EPHA3: variants seen among roughly 807,000 people sequenced by gnomAD.
The protein encoded by EPHA3 is ephrin type-A receptor 3.
In EPHA3, 42 loss-of-function variants were observed where a neutral mutation model predicts 107.1. That is an observed-to-expected ratio of 0.39 (90% CI 0.31 to 0.51). The LOEUF (loss-of-function observed/expected upper bound fraction) is 0.51. EPHA3 is among the 20% of genes least tolerant of loss of function. EPHA3 has a pLI of 0.78. For synonymous variants in EPHA3, 461 were observed against 424.8 expected (o/e 1.09, Z -1.05); for missense variants, 1,183 against 1,211.2 (o/e 0.98, Z 0.35).
At chr3:89,138,596 ATCAAAGACAAC>A (rs1379323009) in intron 2 of EPHA3, among the ~76,000 whole-genome samples, 1 of 151,838 alleles carries the variant, frequency 6.6e-6, no homozygotes, top group Non-Finnish European at 1.5e-5. Flanking sequence ...GCTCACATCA[ATCAAAGACAAC>A]ATTTTAAGCA....
chr3:89,150,721 A>G (rs1272410548), intron 2 of EPHA3, among the ~76,000 whole-genome samples: 1 of 152,134 alleles, frequency 6.6e-6, no homozygotes, highest in Non-Finnish European at 1.5e-5. Flanking sequence ...CTTACGTCAT[A>G]TATCACCAAA....
intron 2 of EPHA3, among the ~76,000 whole-genome samples, chr3:89,153,478 T>G (rs1704731277): frequency 1.3e-5 from 2 of 152,038 alleles, no homozygotes; most frequent in Admixed American, 1.3e-4. Context: ...TCTCCTGCAG[T>G]CTTCCTCATC....
chr3:89,322,586 A>G (rs1311542648), intron 3 of EPHA3, among the ~76,000 whole-genome samples: 1 of 152,128 alleles, frequency 6.6e-6, no homozygotes, highest in Non-Finnish European at 1.5e-5. Flanking sequence ...GAAGGCAGCC[A>G]GGTTTGGAAG....
chr3:89,147,678 A>G (rs1391180715), intron 2 of EPHA3, among the ~76,000 whole-genome samples: 1 of 151,954 alleles, frequency 6.6e-6, no homozygotes, highest in African/African-American at 2.4e-5. Context: ...GAAAAAGGGC[A>G]GAATACTGTA....
At chr3:89,153,220 A>G (rs1473302920) in intron 2 of EPHA3, among the ~76,000 whole-genome samples, 1 of 152,048 alleles carries the variant, frequency 6.6e-6, no homozygotes, top group Non-Finnish European at 1.5e-5. Context: ...AAGCAGGTAA[A>G]TGAGTCAGAG....
rs1348744235 is a variant in EPHA3, at chr3:89,472,476, T to C, written c.2703T>C (p.Leu901=). 6.2e-7 allele frequency: 1 copy of C among 1,613,770 alleles called. No individual in the cohort carries two copies. The highest frequency in any genetic ancestry group is 1.1e-5 in the South Asian group (1 of 91,002). Residue 901 remains leucine (L), a synonymous_variant, in exon 16 of 17, where the codon CTT becomes CTC. Coordinates refer to ENST00000336596, the MANE Select transcript of EPHA3 (RefSeq NM_005233.6). ...ITSAAARPSN[L]LLDQSNVDIT... ...TTTTTTCTTGCAGGCCATCAAACCT[T>C]CTTCTGGACCAAAGCAATGTGGATA...
chr3:89,263,029 G>T (rs1705458518), intron 3 of EPHA3, among the ~76,000 whole-genome samples: 1 of 143,462 alleles, frequency 7.0e-6, no homozygotes, highest in Non-Finnish European at 1.5e-5. Flanking sequence ...TGCAGAAGGT[G>T]CAGGTTTGTT....
intron 5 of EPHA3, among the ~76,000 whole-genome samples, chr3:89,354,866 G>A (rs191367937): frequency 6.6e-6 from 1 of 150,966 alleles, no homozygotes; most frequent in East Asian, 1.9e-4. Context: ...CAAAGGAGAG[G>A]CTTTGCACAA....
intron 2 of EPHA3, among the ~76,000 whole-genome samples, chr3:89,194,781 C>A (rs1161889796): frequency 6.6e-6 from 1 of 152,070 alleles, no homozygotes; most frequent in East Asian, 1.9e-4. Context: ...TATTGAAATT[C>A]TCTTCTCTCC....
intron 2 of EPHA3, among the ~76,000 whole-genome samples, chr3:89,138,904 A>T (rs1704369896): frequency 6.6e-6 from 1 of 152,058 alleles, no homozygotes; most frequent in South Asian, 2.1e-4. Flanking sequence ...AAAACTGAGT[A>T]ACTTGTAGGA....
chr3:89,318,387 T>C (rs571007240), intron 3 of EPHA3, among the ~76,000 whole-genome samples: 1 of 151,894 alleles, frequency 6.6e-6, no homozygotes, highest in Non-Finnish European at 1.5e-5. Flanking sequence ...TGATTTGATA[T>C]TTTGGGTGTG....
intron 2 of EPHA3, among the ~76,000 whole-genome samples, chr3:89,154,563 C>T (rs1421455732): frequency 1.3e-5 from 2 of 151,450 alleles, no homozygotes; most frequent in Admixed American, 1.3e-4. Flanking sequence ...AACAGCTATA[C>T]TGAACAATAT....
intron 15 of EPHA3, among the ~76,000 whole-genome samples, chr3:89,467,316 A>T (rs182760186): frequency 6.6e-6 from 1 of 152,342 alleles, no homozygotes; most frequent in East Asian, 1.9e-4. Flanking sequence ...GTTGCTTTTT[A>T]GATTTAATGT....
intron 3 of EPHA3, among the ~76,000 whole-genome samples, chr3:89,325,863 T>G (rs1707153680): frequency 6.6e-6 from 1 of 151,620 alleles, no homozygotes; most frequent in African/African-American, 2.4e-5. Context: ...TAAATGTAAC[T>G]CATATTTTCC....
At chr3:89,328,526 TC>T (rs1255058582) in intron 3 of EPHA3, among the ~76,000 whole-genome samples, 3 of 152,196 alleles carry the variant, frequency 2.0e-5, no homozygotes, top group Non-Finnish European at 2.9e-5. Context: ...TAGTCACCCT[TC>T]CATTAAATTG....
Position 89,431,379 on chromosome 3 carries a change from TC to T in EPHA3, c.2346+22del. ...ACAAGAGTGAGTAACTTAGATTTTC[TC>T]CTTTTTTATCATTGTTTTCCATCTT... is the stretch of plus-strand genomic sequence containing the variant. On this transcript the variant is annotated intron_variant, in intron 13 of 16. Coordinates refer to ENST00000336596, the MANE Select transcript of EPHA3 (RefSeq NM_005233.6). 3 of 1,593,310 alleles carry T rather than the reference TC, an allele frequency of 1.9e-6. No individual in the cohort carries two copies. Among genetic ancestry groups the T allele is most frequent in the Non-Finnish European group, 2.6e-6 (3 of 1,165,566 alleles).
intron 3 of EPHA3, among the ~76,000 whole-genome samples, chr3:89,235,305 T>C (rs1259765078): frequency 6.6e-6 from 1 of 152,154 alleles, no homozygotes; most frequent in African/African-American, 2.4e-5. Flanking sequence ...AGTGCATTCT[T>C]TTCTTTAATA....
chr3:89,423,085 C>T (rs934427428), intron 11 of EPHA3, among the ~76,000 whole-genome samples: 1 of 151,408 alleles, frequency 6.6e-6, no homozygotes, highest in Non-Finnish European at 1.5e-5. Context: ...GTTCAGACTC[C>T]AAGAACACCT....
chr3:89,113,530 A>G (rs1374693235), intron 1 of EPHA3, among the ~76,000 whole-genome samples: 2 of 124,178 alleles, frequency 1.6e-5, no homozygotes, highest in African/African-American at 2.7e-5. Flanking sequence ...AGGGTGGTCG[A>G]TTACAAAGAA....
Sources: gnomAD v4.1 joint callset for allele counts (sites outside exome capture counted in the v4.1 genomes callset) on GRCh38, gnomAD v4.1.1 for gene constraint, MANE v1.5 for transcripts, NCBI Gene and HGNC (gene_info 2026-07-23, HGNC 2026-07-21) for gene names.